Variants in SYNE1 observed in about 807,000 individuals in gnomAD.
SYNE1 encodes nesprin-1.
Under a neutral mutation model 1,111.0 loss-of-function variants are expected in SYNE1, and 616 were observed. The ratio of observed to expected loss-of-function variants is 0.55; its 90% CI spans 0.52 to 0.59. The LOEUF (loss-of-function observed/expected upper bound fraction) is 0.59. Among genes scored for constraint, SYNE1 ranks in the 20% least tolerant of loss-of-function variants. The pLI, the probability that SYNE1 is intolerant of heterozygous loss-of-function variation, is 0.00. For missense variants in SYNE1, 10,006 were observed against 10,417.0 expected (o/e 0.96, Z 1.72); for synonymous variants, 3,855 against 3,825.8 (o/e 1.01, Z -0.28).
At chr6:152,124,695 A>G (rs74295888) in intron 145 of SYNE1, among the ~76,000 whole-genome samples, 9 of 5,938 alleles carry the variant, frequency 1.5e-3, no homozygotes, top group African/African-American at 2.7e-3. Context: ...AAGCTGAGGG[A>G]AAAAAAAAGT....
chr6:152,287,521 TC>T (rs1267647853), intron 95 of SYNE1, among the ~76,000 whole-genome samples: 1 of 152,186 alleles, frequency 6.6e-6, no homozygotes, highest in African/African-American at 2.4e-5. Flanking sequence ...ATATATATTT[TC>T]CCACACATTT....
chr6:152,241,933 T>C (rs2085815513), intron 107 of SYNE1, among the ~76,000 whole-genome samples: 1 of 152,172 alleles, frequency 6.6e-6, no homozygotes, highest in Non-Finnish European at 1.5e-5. Context: ...GAGTTTTCCT[T>C]TGATTTTAGC....
At chr6:152,607,941 C>T (rs1258996002) in intron 3 of SYNE1, among the ~76,000 whole-genome samples, 1 of 152,020 alleles carries the variant, frequency 6.6e-6, no homozygotes, top group African/African-American at 2.4e-5. Context: ...GAACAGAAAA[C>T]CAAACACTGC....
At chr6:152,482,911 T>TAACCAGA (rs530328306) in intron 14 of SYNE1, among the ~76,000 whole-genome samples, 174 bp downstream of exon 14, 8 of 152,358 alleles carry the variant, frequency 5.3e-5, no homozygotes, top group Admixed American at 6.5e-5. Flanking sequence ...GAACCGTCAT[T>TAACCAGA]AACCAGTGTA....
intron 14 of SYNE1, among the ~76,000 whole-genome samples, chr6:152,474,239 G>T (rs1434470380): frequency 6.6e-6 from 1 of 152,020 alleles, no homozygotes; most frequent in East Asian, 1.9e-4. Context: ...CCTCTGAAAG[G>T]CCATCTCACT....
At chr6:152,314,479 G>A (rs867591249) in intron 87 of SYNE1, among the ~76,000 whole-genome samples, 22 of 152,124 alleles carry the variant, frequency 1.4e-4, no homozygotes, top group African/African-American at 5.1e-4. Flanking sequence ...GGGCGGTTGG[G>A]TTGAGCACAC....
chr6:152,239,692 G>A lies in SYNE1; in HGVS notation c.19908C>T (p.Gly6636=). ...LLDKHKEYFQ[G]LESHMILTET... is the part of the protein sequence containing the mutation. Reference sequence around the variant, plus strand: ...CAGTCAAGATCATATGAGATTCCAGGCCCTGAAAGTATTCCTGCAATTTTT... The same window carrying A: ...CAGTCAAGATCATATGAGATTCCAGACCCTGAAAGTATTCCTGCAATTTTT... The change falls in exon 108 of 146, where the codon GGC becomes GGT. Residue 6636 remains glycine, a synonymous_variant. Coordinates refer to ENST00000367255, the MANE Select transcript of SYNE1 (RefSeq NM_182961.4). 1.9e-6 allele frequency: 3 copies of A among 1,614,132 alleles called. No homozygotes were observed. The highest frequency in any genetic ancestry group is 2.5e-6 in the Non-Finnish European group (3 of 1,180,022).
chr6:152,130,139 G>A (rs1013090911), intron 145 of SYNE1, among the ~76,000 whole-genome samples: 2 of 152,194 alleles, frequency 1.3e-5, no homozygotes, highest in Admixed American at 6.5e-5. Flanking sequence ...CCCGGAAAGT[G>A]AGTGGCTGGG....
At chr6:152,632,466 G>A (rs565412791) in intron 2 of SYNE1, among the ~76,000 whole-genome samples, 1 of 152,212 alleles carries the variant, frequency 6.6e-6, no homozygotes, top group Admixed American at 6.5e-5. Flanking sequence ...AAATTTAAAT[G>A]ATGTTAATAA....
At chr6:152,628,166 T>C in intron 3 of SYNE1, 99 bp downstream of exon 3, 2 of 1,331,472 alleles carry the variant, frequency 1.5e-6, no homozygotes, top group South Asian at 1.2e-5. Context: ...TTCTGGGCTA[T>C]AATTCCATGA....
At chr6:152,526,425 C>A (rs1453219513) in intron 4 of SYNE1, among the ~76,000 whole-genome samples, 1 of 152,122 alleles carries the variant, frequency 6.6e-6, no homozygotes, top group Non-Finnish European at 1.5e-5. Flanking sequence ...AATGTATGTA[C>A]CAGCTTCTTT....
chr6:152,404,596 AAAGTCTT>A (rs1230381523), intron 45 of SYNE1, among the ~76,000 whole-genome samples: 1 of 152,152 alleles, frequency 6.6e-6, no homozygotes, highest in Non-Finnish European at 1.5e-5. Context: ...ACACTGACCC[AAAGTCTT>A]GAGTCAGTGG....
chr6:152,230,652 A>G lies in SYNE1; in HGVS notation c.21090T>C (p.Asn7030=), dbSNP rs758318901. ...CAAACCATGTTTTCAGACATTGTAC[A>G]TTATTTTCATATTCTGACCAAGATT... The part of the protein sequence containing the change: ...LLESWSEYEN[N]VQCLKTWFET... Residue 7030 remains asparagine (N), a synonymous_variant, in exon 115 of 146, where the codon AAT becomes AAC. Coordinates refer to ENST00000367255, the MANE Select transcript of SYNE1 (RefSeq NM_182961.4). The G allele has an allele frequency of 6.2e-7, 1 of 1,614,060 alleles. No homozygotes were observed. Among genetic ancestry groups the G allele is most frequent in the South Asian group, 1.1e-5 (1 of 91,082 alleles).
At chr6:152,165,324 T>C (rs2063432660) in intron 130 of SYNE1, among the ~76,000 whole-genome samples, 1 of 152,218 alleles carries the variant, frequency 6.6e-6, no homozygotes, top group South Asian at 2.1e-4. Flanking sequence ...CTGTTCCAGT[T>C]TCAATAAATC....
chr6:152,554,255 T>A (rs1034299028), intron 3 of SYNE1, among the ~76,000 whole-genome samples: 6 of 151,962 alleles, frequency 3.9e-5, no homozygotes, highest in African/African-American at 1.5e-4. Context: ...AATAATGAGA[T>A]CAGTAGTTCT....
rs776221173 is a variant in SYNE1 at position 152,154,992 on chromosome 6, C to T, written c.24029G>A (p.Arg8010His). ...TGAAGACTTCAGCCAATCTTCAAAA[C>T]GTGAATAGTCATCCAGAAATTTCTG... ...LWQKFLDDYS[R>H]FEDWLKSSER... is the part of the protein sequence containing the mutation. The change falls in exon 133 of 146, where the codon CGT becomes CAT. Residue 8010 changes from arginine (R) to histidine (H), a missense_variant. Transcript: ENST00000367255. 9.9e-6 allele frequency: 16 copies of T among 1,614,074 alleles called. No homozygotes were observed. The highest frequency in any genetic ancestry group is 4.5e-5 in the East Asian group (2 of 44,888).
chr6:152,302,132 T>C (rs2095205000), intron 91 of SYNE1, 69 bp from the exon 92 acceptor site: 1 of 1,600,038 alleles, frequency 6.2e-7, no homozygotes, highest in Non-Finnish European at 8.5e-7. Context: ...GTAGCGTTCA[T>C]CTTCCTGCAG....
intron 56 of SYNE1, 124 bp from the exon 57 acceptor site, chr6:152,377,036 CA>C (rs2097294107): frequency 1.6e-6 from 2 of 1,259,328 alleles, no homozygotes; most frequent in South Asian, 2.6e-5. Flanking sequence ...ATGGTAGATT[CA>C]ATGAAGAAAT....
intron 76 of SYNE1, chr6:152,335,274 A>G (rs531174817): frequency 3.9e-5 from 6 of 152,340 alleles, no homozygotes; most frequent in African/African-American, 9.6e-5. Flanking sequence ...TGTTAACAAG[A>G]GTATCATCTT....
Sources: allele counts gnomAD v4.1 joint callset (sites outside exome capture counted in the v4.1 genomes callset), GRCh38; gene constraint gnomAD v4.1.1; transcripts MANE v1.5; gene names NCBI Gene and HGNC (gene_info 2026-07-23, HGNC 2026-07-21).